Variants in MITF observed in about 807,000 individuals in gnomAD.
The protein encoded by MITF is microphthalmia-associated transcription factor.
In MITF, 17 loss-of-function variants were observed where a neutral mutation model predicts 60.5. The ratio of observed to expected loss-of-function variants is 0.28; its 90% CI spans 0.19 to 0.42. The LOEUF is 0.42. Among genes scored for constraint, MITF ranks in the 10% least tolerant of loss-of-function variants. The pLI is 1.00. For missense variants in MITF, 622 were observed against 683.5 expected, an observed-to-expected ratio of 0.91 and a Z score of 1.00; for synonymous variants, 260 against 248.5, an observed-to-expected ratio of 1.05 and a Z score of -0.43.
Position 69,879,144 on chromosome 3 carries a change from G to A in MITF, c.115G>A (p.Glu39Lys), listed in dbSNP as rs150862492. The part of the protein sequence containing the change: ...SQPLKSSSSA[E>K]HPGASKPPIS... ...TTGGTTTTCCCACAGCAGTTCCGCCGAGCATCCTGGGGCCTCCAAGCCTCC... is the reference window on the plus strand; with the variant it reads ...TTGGTTTTCCCACAGCAGTTCCGCCAAGCATCCTGGGGCCTCCAAGCCTCC... Residue 39 changes from glutamate to lysine, a missense_variant, in exon 2 of 10, where the codon GAG becomes AAG. Coordinates refer to ENST00000352241, the MANE Select transcript of MITF (RefSeq NM_001354604.2). 1.6e-5 allele frequency: 26 copies of A among 1,614,128 alleles called. No homozygotes were observed. Among genetic ancestry groups the A allele is most frequent in the South Asian group, 8.8e-5 (8 of 91,052 alleles).
At chr3:69,809,177 T>G (rs1232751009) in intron 1 of MITF, among the ~76,000 whole-genome samples, 7 of 152,272 alleles carry the variant, frequency 4.6e-5, no homozygotes, top group Admixed American at 4.6e-4. Context: ...TTGTGTCTGG[T>G]CAGCCTGTTT....
chr3:69,835,053 C>G (rs189584053), intron 1 of MITF, among the ~76,000 whole-genome samples: 1 of 116,510 alleles, frequency 8.6e-6, no homozygotes, highest in Admixed American at 1.1e-4. Context: ...AAGTCTCACT[C>G]TGTCACCTAG....
At chr3:69,869,805 A>G (rs1407409969) in intron 1 of MITF, among the ~76,000 whole-genome samples, 2 of 152,164 alleles carry the variant, frequency 1.3e-5, no homozygotes, top group African/African-American at 4.8e-5. Context: ...GGCTGAATCT[A>G]TAGGAACTGC....
chr3:69,881,807 G>T (rs1352830810), intron 2 of MITF, among the ~76,000 whole-genome samples: 1 of 152,150 alleles, frequency 6.6e-6, no homozygotes, highest in African/African-American at 2.4e-5. Flanking sequence ...AGTGCATTAT[G>T]ATACAGATTA....
Position 69,839,727 on chromosome 3 carries a change from G to A in MITF, c.105-39407G>A, listed in dbSNP as rs186558116. 6.2e-3 allele frequency among the ~76,000 whole-genome samples: 938 copies of A among 151,142 alleles called. 4 individuals carry two copies. The highest frequency in any genetic ancestry group is 8.7e-3 in the Non-Finnish European group (590 of 67,846). ...CCGACTTTCCATTCATTAATGTTCA[G>A]TACCCACGAAAGAAACCGATATTTA... On this transcript the variant is annotated intron_variant, in intron 1 of 9. Transcript: ENST00000352241.
chr3:69,825,179 G>C (rs1380058927), intron 1 of MITF, among the ~76,000 whole-genome samples: 1 of 152,160 alleles, frequency 6.6e-6, no homozygotes, highest in East Asian at 1.9e-4. Context: ...TTAATATAGG[G>C]TCCCATCAAT....
At chr3:69,927,534 A>G (rs1406622642) in intron 2 of MITF, among the ~76,000 whole-genome samples, 1 of 152,208 alleles carries the variant, frequency 6.6e-6, no homozygotes, top group African/African-American at 2.4e-5. Flanking sequence ...CTTAAAGTAA[A>G]AAAAAAAATA....
chr3:69,933,836 C>T (rs998070650), intron 2 of MITF, among the ~76,000 whole-genome samples: 3 of 152,118 alleles, frequency 2.0e-5, no homozygotes, highest in Admixed American at 6.6e-5. Flanking sequence ...TATATGTTCT[C>T]ATTTGCATAC....
intron 1 of MITF, among the ~76,000 whole-genome samples, chr3:69,869,602 T>C (rs758497552): frequency 6.6e-6 from 1 of 152,162 alleles, no homozygotes; most frequent in Non-Finnish European, 1.5e-5. Flanking sequence ...TCCCCACCTC[T>C]AGTCAGCCTG....
chr3:69,936,544 C>G (rs1182930378), intron 2 of MITF: 1 of 1,376,558 alleles, frequency 7.3e-7, no homozygotes, highest in East Asian at 2.6e-5. Context: ...ACATGCATAA[C>G]TAATTAGCTT....
chr3:69,937,781 A>C, intron 2 of MITF, 41 bp from the exon 3 acceptor site: 1 of 1,563,544 alleles, frequency 6.4e-7, no homozygotes, highest in Non-Finnish European at 8.8e-7. Context: ...AAACTCACAA[A>C]TAACAGCGCT....
intron 1 of MITF, among the ~76,000 whole-genome samples, chr3:69,776,241 A>G (rs538255236): frequency 3.3e-5 from 5 of 152,370 alleles, no homozygotes; most frequent in South Asian, 4.1e-4. Context: ...GGAGATAAAA[A>G]TACCAGCTAC....
At chr3:69,869,099 G>A (rs947517812) in intron 1 of MITF, among the ~76,000 whole-genome samples, 1 of 152,146 alleles carries the variant, frequency 6.6e-6, no homozygotes, top group Non-Finnish European at 1.5e-5. Flanking sequence ...TTGAATAAGG[G>A]TGCACCAACT....
intron 1 of MITF, among the ~76,000 whole-genome samples, chr3:69,803,646 G>A (rs796131878): frequency 2.0e-5 from 3 of 152,150 alleles, no homozygotes; most frequent in African/African-American, 7.2e-5. Context: ...GTCTGTTATT[G>A]TAGAAATTTC....
intron 2 of MITF, among the ~76,000 whole-genome samples, chr3:69,935,339 A>C (rs970603055): frequency 6.6e-6 from 1 of 152,210 alleles, no homozygotes; most frequent in East Asian, 1.9e-4. Flanking sequence ...TTCTTTACTA[A>C]AGCATAATAT....
intron 2 of MITF, among the ~76,000 whole-genome samples, chr3:69,903,261 G>A (rs751707255): frequency 3.9e-5 from 6 of 152,172 alleles, no homozygotes; most frequent in South Asian, 2.1e-4. Context: ...CTAGAATATA[G>A]GAATGGCCTT....
At chr3:69,796,494 CTTTTT>C (rs767834091) in intron 1 of MITF, among the ~76,000 whole-genome samples, 94 of 80,304 alleles carry the variant, frequency 1.2e-3, no homozygotes, top group African/African-American at 3.5e-3. Flanking sequence ...CACCGTCTTT[CTTTTT>C]TTTTTTTTTT....
intron 1 of MITF, among the ~76,000 whole-genome samples, chr3:69,746,981 T>C (rs897155426): frequency 6.6e-6 from 1 of 152,232 alleles, no homozygotes; most frequent in South Asian, 2.1e-4. Flanking sequence ...TTCCCTCCTG[T>C]GGCTTTGGAT....
At chr3:69,782,045 G>A (rs2106878838) in intron 1 of MITF, among the ~76,000 whole-genome samples, 1 of 152,310 alleles carries the variant, frequency 6.6e-6, no homozygotes, top group African/African-American at 2.4e-5. Flanking sequence ...ATAGACTCCA[G>A]ACAGGTTTGC....
Sources: gnomAD v4.1 joint callset for allele counts (sites outside exome capture counted in the v4.1 genomes callset) on GRCh38, gnomAD v4.1.1 for gene constraint, MANE v1.5 for transcripts, NCBI Gene and HGNC (gene_info 2026-07-23, HGNC 2026-07-21) for gene names.